The following TIA1 variants were observed in gnomAD, a reference collection of about 807,000 sequenced individuals.
TIA1 encodes TIA1 cytotoxic granule associated RNA binding protein.
In TIA1, 23 loss-of-function variants were observed where a neutral mutation model predicts 65.9. The observed-to-expected ratio is 0.35, with a 90% CI of 0.25 to 0.49. The LOEUF (loss-of-function observed/expected upper bound fraction) is 0.49. TIA1 is among the 20% of genes least tolerant of loss of function. The pLI is 0.98. For synonymous variants in TIA1, 147 were observed against 149.4 expected (o/e 0.98, Z 0.12); for missense variants, 371 against 477.9 (o/e 0.78, Z 2.09).
chr2:70,216,134 T>C (rs530284651), intron 10 of TIA1, 74 bp downstream of exon 10: 5 of 1,221,538 alleles, frequency 4.1e-6, no homozygotes, highest in South Asian at 1.5e-5. Context: ...GGAAAAAGTT[T>C]TTTATTTTTA....
intron 1 of TIA1, among the ~76,000 whole-genome samples, chr2:70,239,360 T>C (rs74576257): frequency 0.084 from 12,795 of 152,056 alleles, 564 homozygotes; most frequent in East Asian, 0.18. Context: ...CCAAAGTGTT[T>C]GGATTACAGG....
Position 70,220,094 on chromosome 2 carries a change from C to T in TIA1, c.475-3100G>A, listed in dbSNP as rs1573310281. 2.0e-5 allele frequency among the ~76,000 whole-genome samples: 3 copies of T among 152,174 alleles called. No homozygotes were observed. The East Asian group carries it at 5.8e-4, about 29-fold the overall frequency. On this transcript the variant is annotated intron_variant, in intron 7 of 12. Transcript: ENST00000433529. ...TACTGGATTAAGGTGGGCCCCAAAT[C>T]CAATGACTCAAGTCCTCATAAGAAG...
chr2:70,215,567 A>T (rs1330932989), intron 10 of TIA1, 73 bp from the exon 11 acceptor site: 1 of 1,395,376 alleles, frequency 7.2e-7, no homozygotes. Context: ...TATTTTTAAA[A>T]ATCAAGGTGA....
chr2:70,242,430 T>C (rs544152340), intron 1 of TIA1, among the ~76,000 whole-genome samples: 1 of 107,236 alleles, frequency 9.3e-6, no homozygotes, highest in Non-Finnish European at 1.8e-5. Flanking sequence ...ACCCGGGAAG[T>C]GGAGGTTGCA....
At chr2:70,230,469 G>A (rs912438765) in intron 3 of TIA1, among the ~76,000 whole-genome samples, 4 of 151,948 alleles carry the variant, frequency 2.6e-5, no homozygotes, top group African/African-American at 7.3e-5. Context: ...TGGCTAACAT[G>A]GTGAAACCTC....
At chr2:70,234,687 G>C (rs903134781) in intron 2 of TIA1, among the ~76,000 whole-genome samples, 1 of 151,994 alleles carries the variant, frequency 6.6e-6, no homozygotes, top group African/African-American at 2.4e-5. Context: ...TTAGCCTCCT[G>C]AGTAGCTGGG....
intron 1 of TIA1, among the ~76,000 whole-genome samples, chr2:70,247,394 A>G (rs1381727271): frequency 6.6e-6 from 1 of 152,234 alleles, no homozygotes; most frequent in Non-Finnish European, 1.5e-5. Flanking sequence ...GAAACCTAAA[A>G]TTGCATTTTT....
intron 11 of TIA1, chr2:70,215,090 A>C: frequency 2.9e-6 from 1 of 343,526 alleles, no homozygotes. Flanking sequence ...TGGTATGTGA[A>C]TAAATCTACC....
intron 7 of TIA1, among the ~76,000 whole-genome samples, chr2:70,219,712 C>T (rs923883692): frequency 4.3e-5 from 6 of 140,200 alleles, no homozygotes; most frequent in African/African-American, 1.1e-4. Flanking sequence ...GGGAGGGATT[C>T]GGGGTCCACA....
At chr2:70,240,747 C>T (rs185289764) in intron 1 of TIA1, among the ~76,000 whole-genome samples, 259 of 152,306 alleles carry the variant, frequency 1.7e-3, no homozygotes, top group African/African-American at 5.5e-3. Context: ...TGGCGCATGC[C>T]TGTAATCCCA....
chr2:70,241,884 C>T (rs1196193699), intron 1 of TIA1, among the ~76,000 whole-genome samples: 13 of 150,668 alleles, frequency 8.6e-5, no homozygotes, highest in African/African-American at 2.7e-4. Flanking sequence ...CCAGTCTGGG[C>T]ACCAGAGTGA....
upstream of TIA1, chr2:70,248,633 C>G: frequency 1.4e-6 from 1 of 703,528 alleles, no homozygotes; most frequent in Middle Eastern, 2.6e-4. Flanking sequence ...GGCGGCGAGC[C>G]GGGAGCCTAG....
intron 1 of TIA1, among the ~76,000 whole-genome samples, 174 bp from the exon 2 acceptor site, chr2:70,236,349 G>A (rs539302585): frequency 7.2e-5 from 11 of 152,094 alleles, no homozygotes; most frequent in Admixed American, 2.6e-4. Flanking sequence ...ACAGGCATGC[G>A]TGACCACACC....
At chr2:70,228,669 A>T in intron 5 of TIA1, 1 of 985,466 alleles carries the variant, frequency 1.0e-6, no homozygotes. Flanking sequence ...TTGGAAAGAA[A>T]AGTTACCCAT....
chr2:70,246,979 C>T (rs752010084), intron 1 of TIA1, among the ~76,000 whole-genome samples: 22 of 152,136 alleles, frequency 1.4e-4, no homozygotes, highest in Non-Finnish European at 1.0e-4. Flanking sequence ...TAAACATTTT[C>T]AAACTAATAC....
chr2:70,236,269 G>C, intron 1 of TIA1, 94 bp from the exon 2 acceptor site: 1 of 743,110 alleles, frequency 1.3e-6, no homozygotes, highest in Non-Finnish European at 2.2e-6. Context: ...CACGATCTCG[G>C]CTCACCACAA....
chr2:70,243,253 G>A (rs1026688865), intron 1 of TIA1, among the ~76,000 whole-genome samples: 25 of 151,952 alleles, frequency 1.6e-4, no homozygotes, highest in African/African-American at 5.6e-4. Flanking sequence ...CAGTGAGATC[G>A]CTTCTCTACA....
chr2:70,236,776 GCCATC>G (rs1315298301), intron 1 of TIA1, among the ~76,000 whole-genome samples: 1 of 152,096 alleles, frequency 6.6e-6, no homozygotes, highest in Non-Finnish European at 1.5e-5. Context: ...ACAGGCGTGT[GCCATC>G]ATATCTGGCT....
At chr2:70,215,222 A>C in intron 11 of TIA1, 149 bp downstream of exon 11, 1 of 967,110 alleles carries the variant, frequency 1.0e-6, no homozygotes, top group Non-Finnish European at 1.5e-6. Flanking sequence ...TCCATGAAAC[A>C]CCATTCTGGA....
Sources: gnomAD v4.1 joint callset for allele counts (sites outside exome capture counted in the v4.1 genomes callset) on GRCh38, gnomAD v4.1.1 for gene constraint, MANE v1.5 for transcripts, NCBI Gene and HGNC (gene_info 2026-07-23, HGNC 2026-07-21) for gene names.